CADPS: variants seen among roughly 807,000 people sequenced by gnomAD.
CADPS encodes calcium dependent secretion activator, also known as calcium-dependent secretion activator 1.
CADPS carries 57 observed loss-of-function variants against 167.3 expected under a neutral mutation model. The ratio of observed to expected loss-of-function variants is 0.34; its 90% CI spans 0.28 to 0.42. CADPS has a LOEUF of 0.42. Ranked by LOEUF, CADPS falls within the 20% of genes least tolerant of loss-of-function variation. The pLI is 1.00. For missense variants in CADPS, 1,414 were observed against 1,738.1 expected (o/e 0.81, Z 3.32); for synonymous variants, 676 against 635.3 (o/e 1.06, Z -0.96).
intron 2 of CADPS, among the ~76,000 whole-genome samples, chr3:62,760,976 G>T (rs1433535821): frequency 6.6e-6 from 1 of 152,142 alleles, no homozygotes; most frequent in Non-Finnish European, 1.5e-5. Flanking sequence ...TTAGCCAAGT[G>T]GTGGGTTGGG....
chr3:62,716,554 TC>T (rs1197514975), intron 3 of CADPS, among the ~76,000 whole-genome samples: 1 of 152,220 alleles, frequency 6.6e-6, no homozygotes, highest in Non-Finnish European at 1.5e-5. Context: ...TTTGCCCTTT[TC>T]TGAAGGTGGC....
chr3:62,471,635 G>A (rs2060634620), intron 24 of CADPS, among the ~76,000 whole-genome samples: 1 of 152,070 alleles, frequency 6.6e-6, no homozygotes, highest in Non-Finnish European at 1.5e-5. Context: ...ATCAAGCTGG[G>A]GAGGGACTGC....
At chr3:62,607,125 G>C (rs1034397716) in intron 6 of CADPS, among the ~76,000 whole-genome samples, 1 of 152,222 alleles carries the variant, frequency 6.6e-6, no homozygotes, top group East Asian at 1.9e-4. Flanking sequence ...TCCTTAGTTA[G>C]AATATCACAT....
chr3:62,687,503 T>TA (rs1177162120), intron 3 of CADPS, among the ~76,000 whole-genome samples: 3 of 152,064 alleles, frequency 2.0e-5, no homozygotes, highest in Non-Finnish European at 4.4e-5. Flanking sequence ...TTGTTGTTTT[T>TA]AATTAAATGA....
chr3:62,763,687 T>G (rs1488918646), intron 2 of CADPS, among the ~76,000 whole-genome samples: 1 of 152,128 alleles, frequency 6.6e-6, no homozygotes, highest in East Asian at 1.9e-4. Context: ...AGCTCCCAAG[T>G]AAAGTGTTAA....
At chr3:62,855,702 C>A (rs73844656) in intron 1 of CADPS, among the ~76,000 whole-genome samples, 1 of 151,760 alleles carries the variant, frequency 6.6e-6, no homozygotes, top group Admixed American at 6.6e-5. Flanking sequence ...AATTATTTGC[C>A]GATTTTGGGG....
chr3:62,596,915 G>A (rs2059020651), intron 6 of CADPS, among the ~76,000 whole-genome samples: 1 of 152,164 alleles, frequency 6.6e-6, no homozygotes, highest in Non-Finnish European at 1.5e-5. Flanking sequence ...AGGGAATTAT[G>A]ACCAAGCTGG....
intron 6 of CADPS, among the ~76,000 whole-genome samples, chr3:62,628,070 T>C (rs1450757968): frequency 6.6e-6 from 1 of 152,176 alleles, no homozygotes; most frequent in Admixed American, 6.5e-5. Flanking sequence ...TCCTCCTCTG[T>C]TCAGATTCAC....
At position 62,420,176 on chromosome 3, in the gene CADPS, AGG is replaced by A. The variant is rs2050999881; in HGVS notation, c.3778-16993_3778-16992del. The stretch of plus-strand genomic sequence containing the variant: ...AGCTGGTTTCCAAGCAGATAGTGAA[AGG>A]ACACAAATATACCATCTAAAAGGTA... On this transcript the variant is annotated intron_variant, in intron 28 of 29. Coordinates refer to ENST00000383710, the MANE Select transcript of CADPS (RefSeq NM_003716.4). The surrounding 1 kb of genome is among the most constrained non-coding windows in gnomAD (Gnocchi z 4.1). Among the ~76,000 whole-genome samples, 1 of 152,212 alleles carries A rather than the reference AGG, an allele frequency of 6.6e-6. No homozygotes were observed. The highest frequency in any genetic ancestry group is 2.4e-5 in the African/African-American group (1 of 41,452).
rs1233615884 is a variant in CADPS, at chr3:62,601,551, G to A, written c.1326-8803C>T. Reference sequence around the variant, plus strand: ...ACTCACAAAGACAGCTGACCCCATGGGGATCCAATTTGCTGCTCTAAATTC... The same window carrying A: ...ACTCACAAAGACAGCTGACCCCATGAGGATCCAATTTGCTGCTCTAAATTC... On this transcript the variant is annotated intron_variant, in intron 6 of 29. Transcript: ENST00000383710. This position sits in a 1 kb window ranked among gnomAD's most constrained non-coding sequence, Gnocchi z 4.3. Among the ~76,000 whole-genome samples, 3 of 152,090 alleles carry A rather than the reference G, an allele frequency of 2.0e-5. No homozygotes were observed. The highest frequency in any genetic ancestry group is 6.6e-5 in the Admixed American group (1 of 15,266).
At chr3:62,549,597 T>C (rs990874607) in intron 11 of CADPS, among the ~76,000 whole-genome samples, 1 of 152,158 alleles carries the variant, frequency 6.6e-6, no homozygotes, top group Non-Finnish European at 1.5e-5. Flanking sequence ...TAATCTACTA[T>C]ATTTGAAGGA....
At chr3:62,644,278 C>G (rs1002079848) in intron 6 of CADPS, among the ~76,000 whole-genome samples, 1 of 152,012 alleles carries the variant, frequency 6.6e-6, no homozygotes, top group Non-Finnish European at 1.5e-5. Flanking sequence ...GAATTAACAC[C>G]AACACAAAAA....
chr3:62,580,248 A>C (rs2083144328), intron 8 of CADPS, among the ~76,000 whole-genome samples: 1 of 152,212 alleles, frequency 6.6e-6, no homozygotes. Flanking sequence ...ATGGAATACT[A>C]TGCAGCCATA....
At chr3:62,798,888 T>C (rs922836436) in intron 1 of CADPS, among the ~76,000 whole-genome samples, 7 of 152,192 alleles carry the variant, frequency 4.6e-5, no homozygotes, top group Admixed American at 2.0e-4. Context: ...ATGAATGACC[T>C]GTATTGGCTC....
rs1043420054 is a variant in CADPS at position 62,582,154 on chromosome 3, T to C, written c.1577+3031A>G. Among the ~76,000 whole-genome samples, 13 of 152,324 alleles carry C rather than the reference T, an allele frequency of 8.5e-5. No individual in the cohort carries two copies. The South Asian group carries it at 2.3e-3, about 27-fold the overall frequency. On this transcript the variant is annotated intron_variant, in intron 8 of 29. Coordinates refer to ENST00000383710, the MANE Select transcript of CADPS (RefSeq NM_003716.4). The stretch of plus-strand genomic sequence containing the variant: ...TAACCTCAGCTATGCTTCTTAAAAA[T>C]TGCTTTTTCGGCAGGGCGCGGTGGC...
intron 17 of CADPS, among the ~76,000 whole-genome samples, chr3:62,501,058 C>G (rs559186901): frequency 6.6e-6 from 1 of 152,298 alleles, no homozygotes; most frequent in South Asian, 2.1e-4. Context: ...CAATGGAAAG[C>G]TCCATTATCT....
At chr3:62,862,249 GCT>G (rs2153187392) in intron 1 of CADPS, among the ~76,000 whole-genome samples, 1 of 136,490 alleles carries the variant, frequency 7.3e-6, no homozygotes, top group Non-Finnish European at 1.5e-5. Flanking sequence ...ACAGAGTCTT[GCT>G]CTGTCGCCAG....
Position 62,478,558 on chromosome 3 carries a change from C to T in CADPS, c.3174-142G>A. 4.1e-6 allele frequency: 3 copies of T among 724,386 alleles called. No homozygotes were observed. The highest frequency in any genetic ancestry group is 1.9e-5 in the South Asian group (1 of 53,402). 44.9% of individuals were successfully genotyped at this position (724,386 alleles called of 1,614,324 possible). ...CGTGTGTTGGCGGTGGAGGCGGGGG[C>T]GAGTCTCCACCGGCAGATTTTGAGT... On this transcript the variant is annotated intron_variant, in intron 22 of 29. Coordinates refer to ENST00000383710, the MANE Select transcript of CADPS (RefSeq NM_003716.4). The surrounding 1 kb of genome is among the most constrained non-coding windows in gnomAD (Gnocchi z 5.7).
intron 3 of CADPS, among the ~76,000 whole-genome samples, chr3:62,750,487 A>G (rs531972292): frequency 6.6e-6 from 1 of 152,294 alleles, no homozygotes; most frequent in Admixed American, 6.5e-5. Context: ...AGTCTAGAAA[A>G]CAATTCAGAA....
Sources: allele counts gnomAD v4.1 joint callset (sites outside exome capture counted in the v4.1 genomes callset), GRCh38; gene constraint gnomAD v4.1.1; non-coding constraint Gnocchi (gnomAD v3.1); transcripts MANE v1.5; gene names NCBI Gene and HGNC (gene_info 2026-07-23, HGNC 2026-07-21).